TMEM123: variants seen among roughly 807,000 people sequenced by gnomAD.
The protein encoded by TMEM123 is transmembrane protein 123.
TMEM123 carries 16 observed loss-of-function variants against 19.7 expected under a neutral mutation model. The observed-to-expected ratio is 0.81, with a 90% CI of 0.55 to 1.23. TMEM123 has a LOEUF of 1.23. Ranked by LOEUF, TMEM123 falls within the 50% of genes most tolerant of loss-of-function variation. The pLI is 0.00. For missense variants in TMEM123, 313 were observed against 257.8 expected, an observed-to-expected ratio of 1.21 and a Z score of -1.47; for synonymous variants, 118 against 99.4, an observed-to-expected ratio of 1.19 and a Z score of -1.12.
rs1353142170 is a variant in TMEM123, at chr11:102,397,523, G to A, written c.*1344C>T. 6.6e-6 allele frequency: 1 copy of A among 152,076 alleles called. No individual in the cohort carries two copies. The highest frequency in any genetic ancestry group is 1.5e-5 in the Non-Finnish European group (1 of 67,996). The allele number at this position is 152,076 out of a possible 1,614,324, so 9.4% of individuals were successfully genotyped here. On this transcript the variant is annotated 3_prime_UTR_variant, in exon 5 of 5. Coordinates refer to ENST00000398136, the MANE Select transcript of TMEM123 (RefSeq NM_052932.3). ...ACTCCAAAATACATTAGCTAATATTGGTGTCTCTACAATACTGTGCTTTTT... is the reference window on the plus strand; with the variant it reads ...ACTCCAAAATACATTAGCTAATATTAGTGTCTCTACAATACTGTGCTTTTT...
At position 102,401,569 on chromosome 11, in the gene TMEM123, TAATACATTTTGCATCC is replaced by T. The variant is rs1300921483; in HGVS notation, c.556_571del (p.Gly186ThrfsTer11). On this transcript the variant is annotated frameshift_variant, in exon 4 of 5. Coordinates refer to ENST00000398136, the MANE Select transcript of TMEM123 (RefSeq NM_052932.3). LOFTEE classifies it high-confidence loss of function. ...TCGATACCGAATGCCTCTTCTTGAG[TAATACATTTTGCATCC>T]AATGTAAAGAATAGATAAAACTCCC... The T allele has an allele frequency of 6.3e-7, 1 of 1,593,224 alleles. No individual in the cohort carries two copies. The highest frequency in any genetic ancestry group is 8.5e-7 in the Non-Finnish European group (1 of 1,175,012).
chr11:102,418,794 A>T (rs1952061194), intron 2 of TMEM123, among the ~76,000 whole-genome samples: 1 of 152,236 alleles, frequency 6.6e-6, no homozygotes, highest in Non-Finnish European at 1.5e-5. Context: ...AAAATGTGGT[A>T]TTAATAATAT....
intron 2 of TMEM123, among the ~76,000 whole-genome samples, chr11:102,431,170 T>C (rs1174525063): frequency 6.6e-6 from 1 of 151,428 alleles, no homozygotes; most frequent in Non-Finnish European, 1.5e-5. Context: ...GTGGGATACT[T>C]AAAAAAAAAC....
intron 2 of TMEM123, among the ~76,000 whole-genome samples, chr11:102,405,517 A>T (rs1385493008): frequency 6.6e-6 from 1 of 152,252 alleles, no homozygotes; most frequent in African/African-American, 2.4e-5. Context: ...TAAGTAATAG[A>T]ATTTAACATT....
intron 4 of TMEM123, among the ~76,000 whole-genome samples, chr11:102,400,596 A>G (rs1951903074): frequency 6.6e-6 from 1 of 152,238 alleles, no homozygotes; most frequent in South Asian, 2.1e-4. Flanking sequence ...GTCACCCAAT[A>G]TGAGTATGTT....
chr11:102,416,057 G>A (rs1441826915), intron 2 of TMEM123, among the ~76,000 whole-genome samples: 2 of 152,090 alleles, frequency 1.3e-5, no homozygotes, highest in African/African-American at 4.8e-5. Context: ...TGGGACTACA[G>A]GTATGTGCCA....
chr11:102,442,550 A>G (rs1212456868), intron 2 of TMEM123, among the ~76,000 whole-genome samples: 1 of 152,218 alleles, frequency 6.6e-6, no homozygotes, highest in African/African-American at 2.4e-5. Flanking sequence ...GTATCTCAAA[A>G]TAATAAGAGC....
intron 1 of TMEM123, 187 bp downstream of exon 1, chr11:102,452,337 C>A: frequency 2.3e-6 from 1 of 434,092 alleles, no homozygotes; most frequent in Non-Finnish European, 3.9e-6. Context: ...GCAGGCGGCC[C>A]CGGGGCCAGC....
At chr11:102,439,516 G>A (rs970054273) in intron 2 of TMEM123, among the ~76,000 whole-genome samples, 120 of 152,066 alleles carry the variant, frequency 7.9e-4, no homozygotes, top group African/African-American at 2.8e-3. Flanking sequence ...CAAACAGAAA[G>A]GACATCCACA....
intron 2 of TMEM123, among the ~76,000 whole-genome samples, chr11:102,405,276 T>TC (rs1398112780): frequency 1.3e-5 from 2 of 151,906 alleles, no homozygotes; most frequent in African/African-American, 4.8e-5. Flanking sequence ...CTCGATCTGA[T>TC]CTCCTGACCT....
intron 2 of TMEM123, among the ~76,000 whole-genome samples, chr11:102,407,104 A>C (rs1430281809): frequency 6.6e-6 from 1 of 152,098 alleles, no homozygotes; most frequent in Admixed American, 6.5e-5. Flanking sequence ...CATCAACCAA[A>C]CAGCTTTTGT....
In TMEM123 at chr11:102,448,813, T is replaced by G. The variant is rs778730315; in HGVS notation, c.156A>C (p.Thr52=). The change falls in exon 2 of 5, where the codon ACA becomes ACC. Residue 52 remains threonine (T), a splice_region_variant and synonymous_variant. Transcript: ENST00000398136. The part of the protein sequence containing the change: ...GLPHNSSANS[T]ETLQHVPSDH... The stretch of plus-strand genomic sequence containing the variant: ...TTTTTTTAATCTTTTAAAACTCACC[T>G]GTTGAGTTAGCACTGGAGTTGTGTG... 6.2e-7 allele frequency: 1 copy of G among 1,613,522 alleles called. No individual in the cohort carries two copies. Among genetic ancestry groups the G allele is most frequent in the East Asian group, 2.2e-5 (1 of 44,868 alleles).
rs140836722 is a variant in TMEM123, at chr11:102,426,451, C to CT, written c.157+22360dup. Among the ~76,000 whole-genome samples the CT allele has an allele frequency of 4.0e-3, 574 of 143,222 alleles. 3 individuals carry two copies. The highest frequency in any genetic ancestry group is 7.1e-3 in the Middle Eastern group (2 of 282). The allele number at this position is 143,222 out of a possible 152,430, so 94.0% of individuals were successfully genotyped here. ...ATTCATTTCCCTCTATATTTATTAT[C>CT]TTTTTTTTTTTTTTTAAGTGATGGT... On this transcript the variant is annotated intron_variant, in intron 2 of 4. Transcript: ENST00000398136.
At chr11:102,416,938 A>G (rs1198774884) in intron 2 of TMEM123, among the ~76,000 whole-genome samples, 1 of 152,224 alleles carries the variant, frequency 6.6e-6, no homozygotes, top group Non-Finnish European at 1.5e-5. Context: ...ATAAAATTCA[A>G]AATCCCTTTA....
intron 2 of TMEM123, among the ~76,000 whole-genome samples, chr11:102,448,058 T>A (rs1224616029): frequency 6.6e-6 from 1 of 152,242 alleles, no homozygotes; most frequent in African/African-American, 2.4e-5. Flanking sequence ...GTCCATTTTG[T>A]ATTCTTAGAA....
chr11:102,429,719 CTGT>C (rs1276012072), intron 2 of TMEM123, among the ~76,000 whole-genome samples: 1 of 152,212 alleles, frequency 6.6e-6, no homozygotes, highest in Non-Finnish European at 1.5e-5. Flanking sequence ...GCATCTTGTA[CTGT>C]AAACTATTAT....
intron 2 of TMEM123, among the ~76,000 whole-genome samples, chr11:102,404,469 A>C (rs1951937901): frequency 6.6e-6 from 1 of 151,900 alleles, no homozygotes; most frequent in Admixed American, 6.6e-5. Flanking sequence ...TTTTTAGTAG[A>C]GACAGCGCTT....
At position 102,452,761 on chromosome 11, in the gene TMEM123, C is replaced by G. The variant is rs541418171; in HGVS notation, c.-138G>C. The G allele has an allele frequency of 2.3e-5, 14 of 612,228 alleles. No homozygotes were observed. The South Asian group carries it at 2.9e-4, about 13-fold the overall frequency. 37.9% of individuals were successfully genotyped at this position (612,228 alleles called of 1,614,324 possible). A position where few individuals can be genotyped will look rare whatever the true frequency, so the allele number is the denominator to read the frequency against. On this transcript the variant is annotated 5_prime_UTR_variant, in exon 1 of 5. Transcript: ENST00000398136. ...GTTTCCCCTCCCGCCGCTTGCCCCC[C>G]GAATGACCAAATAGGGCGCAGGAGC... is the stretch of plus-strand genomic sequence containing the variant.
intron 2 of TMEM123, 80 bp from the exon 3 acceptor site, chr11:102,402,286 C>A: frequency 2.1e-6 from 3 of 1,444,182 alleles, no homozygotes; most frequent in South Asian, 2.6e-5. Context: ...CTTTCATGGT[C>A]ACAGACAAAG....
Sources: allele counts gnomAD v4.1 joint callset (sites outside exome capture counted in the v4.1 genomes callset), GRCh38; gene constraint gnomAD v4.1.1; transcripts MANE v1.5; gene names NCBI Gene and HGNC (gene_info 2026-07-23, HGNC 2026-07-21).